SETBP1: variants seen among roughly 807,000 people sequenced by gnomAD.
The protein encoded by SETBP1 is SET binding protein 1.
Under a neutral mutation model 101.0 loss-of-function variants are expected in SETBP1, and 9 were observed. The observed-to-expected ratio is 0.09, with a 90% CI of 0.05 to 0.16. The LOEUF is 0.16. Among genes scored for constraint, SETBP1 ranks in the 10% least tolerant of loss-of-function variants. SETBP1 has a pLI of 1.00. For synonymous variants in SETBP1, 818 were observed against 788.5 expected (o/e 1.04, Z -0.63); for missense variants, 1,858 against 2,033.8 (o/e 0.91, Z 1.66).
intron 4 of SETBP1, among the ~76,000 whole-genome samples, chr18:44,983,648 T>C (rs2072163766): frequency 6.6e-6 from 1 of 152,140 alleles, no homozygotes; most frequent in Admixed American, 6.5e-5. Flanking sequence ...ACACCAGAAA[T>C]GGTAATCAGC....
At chr18:45,025,078 T>C (rs987597506) in intron 4 of SETBP1, among the ~76,000 whole-genome samples, 1 of 152,202 alleles carries the variant, frequency 6.6e-6, no homozygotes, top group African/African-American at 2.4e-5. Context: ...TAATTGTCTG[T>C]ATTACTGTAC....
At chr18:44,985,299 C>G (rs2072208054) in intron 4 of SETBP1, among the ~76,000 whole-genome samples, 1 of 152,146 alleles carries the variant, frequency 6.6e-6, no homozygotes, top group Non-Finnish European at 1.5e-5. Flanking sequence ...GGCAGTGCCT[C>G]AGAGCTAAGC....
At chr18:44,814,532 G>A (rs1568160547) in intron 2 of SETBP1, among the ~76,000 whole-genome samples, 1 of 152,182 alleles carries the variant, frequency 6.6e-6, no homozygotes, top group Admixed American at 6.5e-5. Context: ...ATTTTAGGTG[G>A]CCTAGGAAGT....
chr18:44,846,090 C>G (rs1264669034), intron 2 of SETBP1, among the ~76,000 whole-genome samples: 3 of 152,198 alleles, frequency 2.0e-5, no homozygotes, highest in Admixed American at 2.0e-4. Flanking sequence ...TTGCCCATGG[C>G]TCAATCCTTA....
intron 2 of SETBP1, among the ~76,000 whole-genome samples, chr18:44,715,034 G>A (rs1165501789): frequency 6.6e-6 from 1 of 152,198 alleles, no homozygotes; most frequent in East Asian, 1.9e-4. Flanking sequence ...TAATTACTGA[G>A]GTTGGTGGGG....
intron 2 of SETBP1, among the ~76,000 whole-genome samples, chr18:44,810,526 C>T (rs2071839278): frequency 6.6e-6 from 1 of 152,116 alleles, no homozygotes; most frequent in Non-Finnish European, 1.5e-5. Flanking sequence ...TAATGGAACC[C>T]CCAAACAGCA....
At chr18:44,995,045 T>C (rs995591872) in intron 4 of SETBP1, among the ~76,000 whole-genome samples, 3 of 152,104 alleles carry the variant, frequency 2.0e-5, no homozygotes, top group African/African-American at 7.2e-5. Context: ...CTCTTGCATG[T>C]TGGGAGTAAC....
At position 45,063,890 on chromosome 18, in the gene SETBP1, C is replaced by T. The variant is rs548735415; in HGVS notation, c.*192C>T. On this transcript the variant is annotated 3_prime_UTR_variant, in exon 6 of 6. Coordinates refer to ENST00000649279, the MANE Select transcript of SETBP1 (RefSeq NM_015559.3). ...CTTGGGAAAGCAAAGCAGGGAGACA[C>T]CTTCAGAAGAAGCTTGTCTGAGCTT... 8.6e-6 allele frequency: 5 copies of T among 584,522 alleles called. No individual in the cohort carries two copies. Among genetic ancestry groups the T allele is most frequent in the Admixed American group, 3.1e-5 (1 of 32,324 alleles). 36.2% of individuals were successfully genotyped at this position (584,522 alleles called of 1,614,324 possible). A position where few individuals can be genotyped will look rare whatever the true frequency, so the allele number is the denominator to read the frequency against.
rs1268040741 is a variant in SETBP1 at position 44,961,417 on chromosome 18, TGGCAA to T, written c.4000+8080_4000+8084del. On this transcript the variant is annotated intron_variant, in intron 4 of 5. Transcript: ENST00000649279. ...TCGTGGACTGTGTGCCTAGGCTGAATGGCAAGGAGTTAATGAATAAGTGGATGATG... is the reference window on the plus strand; with the variant it reads ...TCGTGGACTGTGTGCCTAGGCTGAATGGAGTTAATGAATAAGTGGATGATG... 2.0e-5 allele frequency among the ~76,000 whole-genome samples: 3 copies of T among 152,312 alleles called. No homozygotes were observed. In the East Asian group the frequency reaches 5.8e-4, roughly 29 times the overall value.
At chr18:44,985,964 A>G (rs1230735330) in intron 4 of SETBP1, 4 of 152,162 alleles carry the variant, frequency 2.6e-5, no homozygotes, top group Admixed American at 6.5e-5. Context: ...ACCAATTTAT[A>G]GATTTTTAGT....
intron 3 of SETBP1, among the ~76,000 whole-genome samples, chr18:44,892,130 G>A (rs1165530460): frequency 4.6e-5 from 7 of 152,166 alleles, no homozygotes; most frequent in African/African-American, 1.2e-4. Context: ...GAGAGGAGGA[G>A]TGAGGAGTTT....
intron 4 of SETBP1, among the ~76,000 whole-genome samples, chr18:44,984,800 C>A (rs973008546): frequency 1.3e-5 from 2 of 152,136 alleles, no homozygotes; most frequent in African/African-American, 4.8e-5. Context: ...AGTTTACATG[C>A]TTAATTTGCA....
intron 2 of SETBP1, among the ~76,000 whole-genome samples, chr18:44,754,601 TAAA>T (rs572985135): frequency 6.6e-6 from 1 of 152,208 alleles, no homozygotes; most frequent in African/African-American, 2.4e-5. Context: ...CTTGGCCTCT[TAAA>T]ATAAGTACCA....
chr18:44,816,233 A>G (rs1268894800), intron 2 of SETBP1, among the ~76,000 whole-genome samples: 1 of 151,968 alleles, frequency 6.6e-6, no homozygotes, highest in Admixed American at 6.6e-5. Context: ...CTGGGAATCT[A>G]CTCATGGGTG....
chr18:44,947,359 C>A (rs998920429), intron 3 of SETBP1, among the ~76,000 whole-genome samples: 3 of 151,822 alleles, frequency 2.0e-5, no homozygotes, highest in African/African-American at 7.3e-5. Flanking sequence ...CCTGGCCTAG[C>A]GTCACCATGG....
intron 2 of SETBP1, among the ~76,000 whole-genome samples, chr18:44,767,758 A>G (rs1417491039): frequency 6.6e-6 from 1 of 152,244 alleles, no homozygotes; most frequent in Non-Finnish European, 1.5e-5. Context: ...AATGTTTGAC[A>G]TCATCACTTA....
At chr18:45,051,470 G>A (rs2145553789) in intron 5 of SETBP1, among the ~76,000 whole-genome samples, 2 of 152,234 alleles carry the variant, frequency 1.3e-5, no homozygotes, top group Middle Eastern at 6.8e-3. Flanking sequence ...GCAATGAAAA[G>A]ACCATTCATA....
intron 2 of SETBP1, among the ~76,000 whole-genome samples, chr18:44,750,071 C>G (rs2070346779): frequency 6.6e-6 from 1 of 152,206 alleles, no homozygotes; most frequent in Non-Finnish European, 1.5e-5. Context: ...TGGGGAATGT[C>G]TAGCTCTGGG....
In SETBP1 at chr18:44,876,621, A is replaced by G. The variant is rs775638824; in HGVS notation, c.540+7338A>G. The G allele has an allele frequency of 7.1e-6, 11 of 1,551,578 alleles. No homozygotes were observed. The South Asian group carries it at 1.1e-4, about 15-fold the overall frequency. On this transcript the variant is annotated intron_variant, in intron 3 of 5. Transcript: ENST00000649279. ...AGAGAAGAGGAGGCCAAGGCATCCC[A>G]TTCAAAAAGCAATTCCTGTCCCAGG...
Sources: allele counts gnomAD v4.1 joint callset (sites outside exome capture counted in the v4.1 genomes callset), GRCh38; gene constraint gnomAD v4.1.1; transcripts MANE v1.5; gene names NCBI Gene and HGNC (gene_info 2026-07-23, HGNC 2026-07-21).